Variants in GABRB1 observed in about 807,000 individuals in gnomAD.
GABRB1 encodes the protein gamma-aminobutyric acid receptor subunit beta-1.
A neutral mutation model predicts 51.6 loss-of-function variants in GABRB1; 17 were observed. The ratio of observed to expected loss-of-function variants is 0.33; its 90% confidence interval spans 0.23 to 0.49. The LOEUF is 0.49. Ranked by LOEUF, GABRB1 falls within the 20% of genes least tolerant of loss-of-function variation. GABRB1 has a pLI of 0.99. For missense variants in GABRB1, 410 were observed against 600.6 expected, an observed-to-expected ratio of 0.68 and a Z score of 3.32; for synonymous variants, 247 against 218.9, an observed-to-expected ratio of 1.13 and a Z score of -1.14.
chr4:47,367,448 C>A lies in GABRB1; in HGVS notation c.545-35870C>A, dbSNP rs146339464. Among the ~76,000 whole-genome samples the A allele has an allele frequency of 3.1e-3, 465 of 152,250 alleles. 4 individuals are homozygous for A. The highest frequency in any genetic ancestry group is 0.011 in the African/African-American group (441 of 41,534). ...TCCAAAGGCGGCTCTACGGAGTCAACCTGACAGAAAAGAGATGACTTCACT... is the reference window on the plus strand; with the variant it reads ...TCCAAAGGCGGCTCTACGGAGTCAAACTGACAGAAAAGAGATGACTTCACT... On this transcript the variant is annotated intron_variant, in intron 5 of 8. Coordinates refer to ENST00000295454, the MANE Select transcript of GABRB1 (RefSeq NM_000812.4).
intron 1 of GABRB1, among the ~76,000 whole-genome samples, chr4:47,014,966 G>C (rs2109444123): frequency 6.6e-6 from 1 of 152,252 alleles, no homozygotes. Flanking sequence ...GAGTGCAATG[G>C]CACGATTTTG....
intron 3 of GABRB1, among the ~76,000 whole-genome samples, chr4:47,141,352 A>G (rs1716927188): frequency 6.6e-6 from 1 of 151,894 alleles, no homozygotes; most frequent in African/African-American, 2.4e-5. Flanking sequence ...TCTCAAGTTA[A>G]AATTTCCCAC....
chr4:47,371,676 C>T (rs1463602690), intron 5 of GABRB1, among the ~76,000 whole-genome samples: 1 of 152,194 alleles, frequency 6.6e-6, no homozygotes, highest in African/African-American at 2.4e-5. Flanking sequence ...ATGGGCGTTT[C>T]TCTAATGATC....
intron 4 of GABRB1, among the ~76,000 whole-genome samples, chr4:47,172,255 A>G (rs1560570297): frequency 6.6e-6 from 1 of 152,214 alleles, no homozygotes; most frequent in Admixed American, 6.5e-5. Context: ...AGGCTAGAGC[A>G]TTTAGAAAAA....
Position 47,191,167 on chromosome 4 carries a change from T to G in GABRB1, c.461+29698T>G, listed in dbSNP as rs145274792. Among the ~76,000 whole-genome samples the G allele has an allele frequency of 2.7e-3, 416 of 152,264 alleles. 2 individuals carry two copies. Among genetic ancestry groups the G allele is most frequent in the African/African-American group, 9.7e-3 (405 of 41,566 alleles). On this transcript the variant is annotated intron_variant, in intron 4 of 8. Coordinates refer to ENST00000295454, the MANE Select transcript of GABRB1 (RefSeq NM_000812.4). ...GCAGAGTATTGAGTCACTAAACCAA[T>G]GTTAAGTTTTAACAAGGCCAAGGAA...
Position 47,034,018 on chromosome 4 carries a change from G to A in GABRB1, c.240+1534G>A, listed in dbSNP as rs149317805. On this transcript the variant is annotated intron_variant, in intron 3 of 8. Transcript: ENST00000295454. ...TGCCTAATCTACACGAATGCAACTG[G>A]ACAAATTAGACAATGAATTAGTTTA... Among the ~76,000 whole-genome samples the A allele has an allele frequency of 2.4e-4, 37 of 152,216 alleles. 1 individual carries two copies. Among genetic ancestry groups the A allele is most frequent in the African/African-American group, 8.9e-4 (37 of 41,544 alleles).
upstream of GABRB1, among the ~76,000 whole-genome samples, chr4:47,029,333 A>C (rs1205313747): frequency 2.6e-5 from 4 of 151,966 alleles, no homozygotes; most frequent in African/African-American, 9.7e-5. Context: ...TAATATTCTT[A>C]AGTTTTGCAT....
intron 3 of GABRB1, among the ~76,000 whole-genome samples, chr4:47,101,806 T>C (rs930099366): frequency 1.7e-4 from 26 of 152,052 alleles, no homozygotes; most frequent in African/African-American, 5.8e-4. Flanking sequence ...TGTACAGGTG[T>C]AGAGGGTTTT....
At chr4:47,379,616 C>A (rs1727524283) in intron 5 of GABRB1, among the ~76,000 whole-genome samples, 1 of 152,154 alleles carries the variant, frequency 6.6e-6, no homozygotes, top group Admixed American at 6.5e-5. Context: ...CATCTGTGTA[C>A]TATACTATAG....
intron 4 of GABRB1, among the ~76,000 whole-genome samples, chr4:47,164,922 G>A (rs1718109574): frequency 6.6e-6 from 1 of 151,976 alleles, no homozygotes; most frequent in African/African-American, 2.4e-5. Flanking sequence ...TTGCCCTTAG[G>A]TCACCCTCCT....
At chr4:47,042,747 A>T (rs914491760) in intron 3 of GABRB1, among the ~76,000 whole-genome samples, 1 of 151,824 alleles carries the variant, frequency 6.6e-6, no homozygotes, top group Non-Finnish European at 1.5e-5. Context: ...GTAACCAAAG[A>T]CCTAAACATA....
At chr4:47,262,985 T>A (rs1354226972) in intron 4 of GABRB1, among the ~76,000 whole-genome samples, 1 of 136,720 alleles carries the variant, frequency 7.3e-6, no homozygotes, top group African/African-American at 2.8e-5. Flanking sequence ...TAGGTGGGAA[T>A]TGAACAGTGA....
At chr4:47,389,086 T>C (rs550966623) in intron 5 of GABRB1, among the ~76,000 whole-genome samples, 1 of 152,248 alleles carries the variant, frequency 6.6e-6, no homozygotes, top group East Asian at 1.9e-4. Flanking sequence ...CTTTGCAAGA[T>C]TGGGTGTTTG....
intron 3 of GABRB1, among the ~76,000 whole-genome samples, chr4:47,131,995 A>G (rs1716437064): frequency 6.6e-6 from 1 of 152,194 alleles, no homozygotes; most frequent in African/African-American, 2.4e-5. Flanking sequence ...CTACTGCCTC[A>G]GAAAGAAAGG....
intron 3 of GABRB1, among the ~76,000 whole-genome samples, chr4:47,126,408 A>G (rs181922134): frequency 4.3e-4 from 65 of 152,318 alleles, no homozygotes; most frequent in African/African-American, 1.5e-3. Flanking sequence ...AAAGTTGATT[A>G]TAAGTATTCT....
chr4:47,107,288 A>G (rs1157859437), intron 3 of GABRB1, among the ~76,000 whole-genome samples: 1 of 152,076 alleles, frequency 6.6e-6, no homozygotes, highest in Non-Finnish European at 1.5e-5. Context: ...ATTCTAAAAA[A>G]AGGGATCGAG....
At chr4:47,235,240 T>C (rs1015297114) in intron 4 of GABRB1, among the ~76,000 whole-genome samples, 1 of 152,130 alleles carries the variant, frequency 6.6e-6, no homozygotes, top group Non-Finnish European at 1.5e-5. Flanking sequence ...AAACCCTCCA[T>C]TGTGCCTTAG....
In GABRB1 at chr4:47,287,741, C is replaced by G. The variant is rs189881693; in HGVS notation, c.462-32386C>G. Among the ~76,000 whole-genome samples the G allele has an allele frequency of 6.6e-5, 10 of 152,332 alleles. No homozygotes were observed. The East Asian group carries it at 1.9e-3, about 29-fold the overall frequency. On this transcript the variant is annotated intron_variant, in intron 4 of 8. Transcript: ENST00000295454. ...AGGTTTTAAAAAGCCTGACTTCTAG[C>G]CAGCTGGCCCTTTCTTGCTATTTTT...
At chr4:47,039,173 T>A (rs1006226189) in intron 3 of GABRB1, among the ~76,000 whole-genome samples, 1 of 151,954 alleles carries the variant, frequency 6.6e-6, no homozygotes, top group Admixed American at 6.6e-5. Flanking sequence ...TTTTTATCTT[T>A]AGTGAGCCCA....
Sources: gnomAD v4.1 joint callset for allele counts (sites outside exome capture counted in the v4.1 genomes callset) on GRCh38, gnomAD v4.1.1 for gene constraint, MANE v1.5 for transcripts, NCBI Gene and HGNC (gene_info 2026-07-23, HGNC 2026-07-21) for gene names.